DDX50: variants seen among roughly 807,000 people sequenced by gnomAD.
DDX50 encodes DExD-box helicase 50.
Under a neutral mutation model 94.8 loss-of-function variants are expected in DDX50, and 56 were observed. The observed-to-expected ratio is 0.59, with a 90% CI of 0.48 to 0.74. The LOEUF (loss-of-function observed/expected upper bound fraction) is 0.74, where lower values mean the gene tolerates loss of function less well. Ranked by LOEUF, DDX50 falls within the 30% of genes least tolerant of loss-of-function variation. The probability of loss-of-function intolerance (pLI) is 0.00; values close to 1 mark genes in which losing one functional copy is unlikely to be tolerated. For synonymous variants in DDX50, 264 were observed against 295.4 expected (o/e 0.89, Z 1.09); for missense variants, 713 against 881.2 (o/e 0.81, Z 2.42).
chr10:68,907,753 G>T (rs1474292560), intron 2 of DDX50, among the ~76,000 whole-genome samples: 8 of 150,300 alleles, frequency 5.3e-5, no homozygotes, highest in African/African-American at 2.0e-4. Context: ...TTGTGAATTT[G>T]CTGTTTGGCA....
Position 68,938,270 on chromosome 10 carries a change from C to T in DDX50, c.1755+1175C>T, listed in dbSNP as rs1379620055. Among the ~76,000 whole-genome samples, 9 of 152,300 alleles carry T rather than the reference C, an allele frequency of 5.9e-5. No homozygotes were observed. The East Asian group carries it at 1.3e-3, about 23-fold the overall frequency. ...TAGCATGCAAAGTAAGTAAGAAATG[C>T]CTGTGTGTGTGTGGAGGGGTTGTGT... On this transcript the variant is annotated intron_variant, in intron 12 of 14. Transcript: ENST00000373585.
intron 7 of DDX50, among the ~76,000 whole-genome samples, chr10:68,916,403 T>C (rs1162248725): frequency 6.6e-6 from 1 of 150,588 alleles, no homozygotes; most frequent in Non-Finnish European, 1.5e-5. Flanking sequence ...TATTTTGTAA[T>C]GGTTGAAAGT....
Position 68,929,091 on chromosome 10 carries a change from C to T in DDX50, c.1240-5108C>T, listed in dbSNP as rs186473319. On this transcript the variant is annotated intron_variant, in intron 8 of 14. Transcript: ENST00000373585. ...AGCCTCCCGAAGCTTGTATTACAGG[C>T]GTGTGCCACCACGCCTCGCTAATTT... Among the ~76,000 whole-genome samples the T allele has an allele frequency of 2.0e-4, 31 of 151,972 alleles. 1 individual carries two copies. The highest frequency in any genetic ancestry group is 9.2e-4 in the Admixed American group (14 of 15,242).
At chr10:68,936,171 C>A in intron 11 of DDX50, 92 bp downstream of exon 11, 1 of 990,804 alleles carries the variant, frequency 1.0e-6, no homozygotes, top group Non-Finnish European at 1.5e-6. Flanking sequence ...AAAATTTTAC[C>A]ACCAGTTTTA....
At chr10:68,911,489 G>A (rs1017527853) in intron 4 of DDX50, among the ~76,000 whole-genome samples, 27 of 152,060 alleles carry the variant, frequency 1.8e-4, no homozygotes, top group African/African-American at 5.8e-4. Flanking sequence ...TTATAAAGCC[G>A]GTATATCTTA....
intron 2 of DDX50, among the ~76,000 whole-genome samples, chr10:68,909,125 C>T (rs892334348): frequency 2.6e-5 from 4 of 151,988 alleles, no homozygotes; most frequent in East Asian, 1.9e-4. Flanking sequence ...CACGCCTGGC[C>T]GACAGTGTAT....
Position 68,934,757 on chromosome 10 carries a change from C to T in DDX50, c.1402-42C>T, listed in dbSNP as rs1439798210. ...TATTTGGATTCCGGAATGACTGCAA[C>T]TTGCTAGATTTTTAAAAAATATTAC... is the stretch of plus-strand genomic sequence containing the variant. On this transcript the variant is annotated intron_variant, in intron 9 of 14. Coordinates refer to ENST00000373585, the MANE Select transcript of DDX50 (RefSeq NM_024045.2). This position sits in a 1 kb window ranked among gnomAD's most constrained non-coding sequence, Gnocchi z 4.0. The T allele has an allele frequency of 6.4e-7, 1 of 1,558,132 alleles. No individual in the cohort carries two copies. Among genetic ancestry groups the T allele is most frequent in the Non-Finnish European group, 8.6e-7 (1 of 1,160,634 alleles).
At chr10:68,923,646 C>A (rs572367464) in intron 8 of DDX50, among the ~76,000 whole-genome samples, 3 of 151,786 alleles carry the variant, frequency 2.0e-5, no homozygotes, top group African/African-American at 7.2e-5. Flanking sequence ...TAGGTTCAAG[C>A]GATTCTTATG....
chr10:68,929,281 CT>C (rs1429188167), intron 8 of DDX50, among the ~76,000 whole-genome samples: 2 of 77,424 alleles, frequency 2.6e-5, no homozygotes, highest in Middle Eastern at 6.4e-3. Context: ...TCCTTCCTTC[CT>C]TCCTTCCTTC....
At chr10:68,906,633 G>A (rs966881731) in intron 1 of DDX50, 78 bp from the exon 2 acceptor site, 21 of 1,478,188 alleles carry the variant, frequency 1.4e-5, no homozygotes, top group Non-Finnish European at 1.9e-5. Context: ...ACTGGTGGGG[G>A]AGTCATGCTC....
chr10:68,934,963 CTT>C lies in DDX50; in HGVS notation c.1521+46_1521+47del. On this transcript the variant is annotated intron_variant, in intron 10 of 14. Coordinates refer to ENST00000373585, the MANE Select transcript of DDX50 (RefSeq NM_024045.2). This position sits in a 1 kb window ranked among gnomAD's most constrained non-coding sequence, Gnocchi z 4.0. The stretch of plus-strand genomic sequence containing the variant: ...TTCAGGCTTATTGTCTAAATGGTGC[CTT>C]AAAAGAGAGCTCTTCTTATATTTAT... 6.4e-7 allele frequency: 1 copy of C among 1,573,600 alleles called. No individual in the cohort carries two copies. Among genetic ancestry groups the C allele is most frequent in the Non-Finnish European group, 8.6e-7 (1 of 1,161,712 alleles).
chr10:68,915,330 G>A lies in DDX50; in HGVS notation c.1089+1126G>A, dbSNP rs531596796. Among the ~76,000 whole-genome samples, 14 of 151,402 alleles carry A rather than the reference G, an allele frequency of 9.2e-5. No homozygotes were observed. In the South Asian group the frequency reaches 1.5e-3, roughly 16 times the overall value. On this transcript the variant is annotated intron_variant, in intron 7 of 14. Transcript: ENST00000373585. Reference sequence around the variant, plus strand: ...CGGGAGGCTGAGGCAGGAGAATGGCGTGAATCCGGGAGGTGAAGCTTGCAG... The same window carrying A: ...CGGGAGGCTGAGGCAGGAGAATGGCATGAATCCGGGAGGTGAAGCTTGCAG...
At chr10:68,925,277 T>A (rs926651253) in intron 8 of DDX50, among the ~76,000 whole-genome samples, 6 of 151,696 alleles carry the variant, frequency 4.0e-5, no homozygotes, top group Admixed American at 2.0e-4. Context: ...CTAATTTTTT[T>A]TTTTTTATTT....
intron 8 of DDX50, among the ~76,000 whole-genome samples, chr10:68,922,502 A>G (rs1439511395): frequency 2.0e-5 from 3 of 151,856 alleles, no homozygotes; most frequent in East Asian, 1.9e-4. Flanking sequence ...CAGCATTAAA[A>G]TTTTTTCTTT....
At chr10:68,925,084 C>T (rs1842044959) in intron 8 of DDX50, among the ~76,000 whole-genome samples, 1 of 147,156 alleles carries the variant, frequency 6.8e-6, no homozygotes, top group Non-Finnish European at 1.5e-5. Context: ...AATTATCCTT[C>T]CCTGCTCATG....
chr10:68,928,972 C>G (rs1048221623), intron 8 of DDX50, among the ~76,000 whole-genome samples: 1 of 151,828 alleles, frequency 6.6e-6, no homozygotes, highest in Admixed American at 6.6e-5. Context: ...TTTTTTGAGA[C>G]GGAGTCTTGC....
At chr10:68,939,975 G>A (rs577913356) in intron 12 of DDX50, among the ~76,000 whole-genome samples, 38 of 152,074 alleles carry the variant, frequency 2.5e-4, no homozygotes, top group Admixed American at 1.9e-3. Flanking sequence ...TACGTAGGGC[G>A]CACTCAATAA....
At chr10:68,939,491 A>G (rs894534722) in intron 12 of DDX50, among the ~76,000 whole-genome samples, 5 of 152,180 alleles carry the variant, frequency 3.3e-5, no homozygotes, top group African/African-American at 9.7e-5. Flanking sequence ...GGAATGTCCT[A>G]TAGGCTTTTC....
intron 7 of DDX50, among the ~76,000 whole-genome samples, chr10:68,915,020 CAAAA>C (rs34542931): frequency 2.7e-5 from 3 of 112,576 alleles, no homozygotes; most frequent in Non-Finnish European, 3.7e-5. Flanking sequence ...GACCCTGTCT[CAAAA>C]AAAAAAAAAA....
Sources: gnomAD v4.1 joint callset for allele counts (sites outside exome capture counted in the v4.1 genomes callset) on GRCh38, gnomAD v4.1.1 for gene constraint, Gnocchi (gnomAD v3.1) non-coding constraint, MANE v1.5 for transcripts, NCBI Gene and HGNC (gene_info 2026-07-23, HGNC 2026-07-21) for gene names.